SLC26A1: variants seen among roughly 807,000 people sequenced by gnomAD.
SLC26A1 encodes sulfate anion transporter 1.
Under a neutral mutation model 14.5 loss-of-function variants are expected in SLC26A1, and 18 were observed. That is an observed-to-expected ratio of 1.24 (90% CI 0.86 to 1.84). SLC26A1 has a LOEUF of 1.84. Ranked by LOEUF, SLC26A1 falls within the 40% of genes most tolerant of loss-of-function variation. The pLI is 0.00. For missense variants in SLC26A1, 1,049 were observed against 1,020.0 expected (o/e 1.03, Z -0.39); for synonymous variants, 505 against 492.0 (o/e 1.03, Z -0.35).
intron 2 of SLC26A1, 48 bp downstream of exon 2, chr4:991,080 A>G: frequency 6.7e-7 from 1 of 1,500,074 alleles, no homozygotes; most frequent in Non-Finnish European, 8.9e-7. Flanking sequence ...CCAAAACCTA[A>G]GGGGGGGTGC....
At position 991,168 on chromosome 4, in the gene SLC26A1, C is replaced by G. The variant is rs148387257; in HGVS notation, c.536G>C (p.Arg179Pro). Residue 179 changes from arginine (R) to proline (P), a missense_variant, in exon 2 of 3, where the codon CGT becomes CCT. Arg to Pro is a moderately radical substitution (Grantham distance 103). Transcript: ENST00000398516. Reference sequence around the variant, plus strand: ...CATCAGCGTGAGGGCGGTGGCGACACGGATGGCGTAGCAGTCACGCCCGCA... The same window carrying G: ...CATCAGCGTGAGGGCGGTGGCGACAGGGATGGCGTAGCAGTCACGCCCGCA... The part of the protein sequence containing the change: ...LDCGRDCYAI[R>P]VATALTLMTG... 3 of 1,566,284 alleles carry G rather than the reference C, an allele frequency of 1.9e-6. No homozygotes were observed. Among genetic ancestry groups the G allele is most frequent in the South Asian group, 2.4e-5 (2 of 83,748 alleles).
chr4:983,505 C>T (rs537041636), downstream of SLC26A1, among the ~76,000 whole-genome samples: 18 of 152,232 alleles, frequency 1.2e-4, no homozygotes, highest in Non-Finnish European at 2.6e-4. Context: ...AGAGAGGCCT[C>T]CAGGAACCGA....
At chr4:992,326 C>CA (rs1427247306) in intron 1 of SLC26A1, 1 of 405,824 alleles carries the variant, frequency 2.5e-6, no homozygotes, top group African/African-American at 2.0e-5. Context: ...CACCTCCACC[C>CA]ACCCCTCTGT....
At chr4:984,588 TG>T (rs2153014440), downstream of SLC26A1, among the ~76,000 whole-genome samples, 1 of 152,198 alleles carries the variant, frequency 6.6e-6, no homozygotes, top group African/African-American at 2.4e-5. Flanking sequence ...CCCAGCACTT[TG>T]GGAGGCCGAG....
At chr4:987,079 G>A, downstream of SLC26A1, 1 of 1,491,704 alleles carries the variant, frequency 6.7e-7, no homozygotes, top group South Asian at 1.3e-5. Context: ...CCGAGCACGC[G>A]TGGCCATGCG....
rs1714513064 is a variant in SLC26A1 at position 993,300 on chromosome 4, C to G, written c.-28+1G>C. 6.6e-6 allele frequency: 1 copy of G among 152,290 alleles called. No homozygotes were observed. Among genetic ancestry groups the G allele is most frequent in the South Asian group, 2.1e-4 (1 of 4,836 alleles). The allele number at this position is 152,290 out of a possible 1,614,324, so 9.4% of individuals were successfully genotyped here. ...AGATCTGGGCCCAGGATGGTTCTTA[C>G]CTGAGGGAGTCCTCACAGGCGCGGA... is the stretch of plus-strand genomic sequence containing the variant. On this transcript the variant is annotated splice_donor_variant, in intron 1 of 2. Coordinates refer to ENST00000398516, the MANE Select transcript of SLC26A1 (RefSeq NM_022042.4). LOFTEE classifies it low-confidence loss of function (5UTR_SPLICE).
intron 2 of SLC26A1, 25 bp downstream of exon 2, chr4:991,103 C>CCT (rs1340094517): frequency 2.0e-6 from 3 of 1,519,516 alleles, no homozygotes; most frequent in Admixed American, 4.2e-5. Context: ...TGGGCCCCTC[C>CCT]CTGTGCCCAA....
rs193048848 is a variant in SLC26A1 at position 980,556 on chromosome 4, A to G, written c.577-1052T>C. On this transcript the variant is annotated intron_variant, in intron 2 of 2. Transcript: ENST00000398520. ...AGCCAGGATCGCGCCACTGCACTCC[A>G]GCCTGGGCAACAAGAGCGAAACTCC... Among the ~76,000 whole-genome samples, 687 of 150,762 alleles carry G rather than the reference A, an allele frequency of 4.6e-3. 8 individuals are homozygous for G. Among genetic ancestry groups the G allele is most frequent in the African/African-American group, 0.015 (597 of 40,898 alleles).
chr4:987,667 TA>T lies in SLC26A1; in HGVS notation c.*1165del. 1 of 1,484,278 alleles carries T rather than the reference TA, an allele frequency of 6.7e-7. No homozygotes were observed. Among genetic ancestry groups the T allele is most frequent in the Non-Finnish European group, 9.0e-7 (1 of 1,114,434 alleles). The allele number at this position is 1,484,278 out of a possible 1,614,324, so 91.9% of individuals were successfully genotyped here. On this transcript the variant is annotated 3_prime_UTR_variant, in exon 3 of 3. Coordinates refer to ENST00000398516, the MANE Select transcript of SLC26A1 (RefSeq NM_022042.4). ...TGGGACCTCCCCACATTCCTGGCCC[TA>T]AGGGTCATTTTATTAGTCACTGAAC...
chr4:982,607 C>A (rs1016042640), intron 2 of SLC26A1, among the ~76,000 whole-genome samples: 4 of 152,212 alleles, frequency 2.6e-5, no homozygotes, highest in Admixed American at 2.6e-4. Flanking sequence ...CTCCGCCGAC[C>A]AGTGGCTTCT....
chr4:991,416 C>T lies in SLC26A1; in HGVS notation c.288G>A (p.Leu96=), dbSNP rs755783502. Residue 96 remains leucine (L), a synonymous_variant, in exon 2 of 3, where the codon CTG becomes CTA. Transcript: ENST00000398516. ...ACGTATAGAGGCTGTAGATGGGCTG[C>T]AGCCCGGCCAGCAATGAGTAGGCGA... is the stretch of plus-strand genomic sequence containing the variant. ...QAIAYSLLAG[L]QPIYSLYTSF... is the part of the protein sequence containing the mutation. 3.9e-5 allele frequency: 63 copies of T among 1,612,702 alleles called. 1 individual carries two copies. The South Asian group carries it at 6.6e-4, about 17-fold the overall frequency.
rs371025483 is a variant in SLC26A1 at position 989,575 on chromosome 4, C to T, written c.1364G>A (p.Arg455His). ...VIVVSLRGAL[R>H]KVWDLPRLWR... ...CAGCCGCGGGAGGTCCCACACCTTGCGCAGGGCCCCCCGCAGGCTGACCAC... is the reference window on the plus strand; with the variant it reads ...CAGCCGCGGGAGGTCCCACACCTTGTGCAGGGCCCCCCGCAGGCTGACCAC... The change falls in exon 3 of 3, where the codon CGC becomes CAC. Residue 455 changes from arginine (R) to histidine (H), a missense_variant. Coordinates refer to ENST00000398516, the MANE Select transcript of SLC26A1 (RefSeq NM_022042.4). 21 of 1,594,002 alleles carry T rather than the reference C, an allele frequency of 1.3e-5. No individual in the cohort carries two copies. Among genetic ancestry groups the T allele is most frequent in the Middle Eastern group, 1.7e-4 (1 of 5,958 alleles).
chr4:982,946 G>C (rs1713590375), downstream of SLC26A1, among the ~76,000 whole-genome samples: 1 of 152,240 alleles, frequency 6.6e-6, no homozygotes, highest in Non-Finnish European at 1.5e-5. Context: ...CGGATAACTA[G>C]AATCATCTCT....
chr4:979,451 C>T, exon 3 of SLC26A1: 2 of 1,612,568 alleles, frequency 1.2e-6, no homozygotes, highest in African/African-American at 2.7e-5. Flanking sequence ...GCGAGTCACT[C>T]CTCTGTGTTA....
chr4:988,175 A>G lies in SLC26A1; in HGVS notation c.*658T>C, dbSNP rs981803062. 47 of 1,384,898 alleles carry G rather than the reference A, an allele frequency of 3.4e-5. No individual in the cohort carries two copies. Among genetic ancestry groups the G allele is most frequent in the Non-Finnish European group, 4.3e-5 (46 of 1,070,004 alleles). 85.8% of individuals were successfully genotyped at this position (1,384,898 alleles called of 1,614,324 possible). A position where few individuals can be genotyped will look rare whatever the true frequency, so the allele number is the denominator to read the frequency against. ...TTCCTGCAGGTCTCCCTGCAGGCTC[A>G]GGGTTGGCTGCGCCGCACCTGGCTC... is the stretch of plus-strand genomic sequence containing the variant. On this transcript the variant is annotated 3_prime_UTR_variant, in exon 3 of 3. Coordinates refer to ENST00000398516, the MANE Select transcript of SLC26A1 (RefSeq NM_022042.4).
chr4:979,635 C>T (rs1243201549), intron 2 of SLC26A1: 25 of 1,188,154 alleles, frequency 2.1e-5, no homozygotes, highest in Middle Eastern at 2.7e-4. Flanking sequence ...AGAGAGGAAG[C>T]GGAGGCGGGG....
chr4:985,198 C>T (rs1170783883), downstream of SLC26A1, among the ~76,000 whole-genome samples: 1 of 152,254 alleles, frequency 6.6e-6, no homozygotes, highest in Non-Finnish European at 1.5e-5. Flanking sequence ...GCCTGAGCCT[C>T]GACTTCTGTC....
In SLC26A1 at chr4:987,783, C is replaced by T; in HGVS notation, c.*1050G>A. On this transcript the variant is annotated 3_prime_UTR_variant, in exon 3 of 3. Transcript: ENST00000398516. ...CTGCCAGCCATGCTGAGGCTCGGGACTGAGCCGCCCCTTTGTTGTCCCCAG... is the reference window on the plus strand; with the variant it reads ...CTGCCAGCCATGCTGAGGCTCGGGATTGAGCCGCCCCTTTGTTGTCCCCAG... The T allele has an allele frequency of 1.9e-6, 3 of 1,611,542 alleles. No homozygotes were observed. Among genetic ancestry groups the T allele is most frequent in the Non-Finnish European group, 2.5e-6 (3 of 1,179,652 alleles).
intron 2 of SLC26A1, among the ~76,000 whole-genome samples, chr4:982,357 G>C (rs758445463): frequency 6.6e-6 from 1 of 152,210 alleles, no homozygotes; most frequent in East Asian, 1.9e-4. Flanking sequence ...CCCTGTCCTC[G>C]GTGGCTTGCC....
Sources: gnomAD v4.1 joint callset for allele counts (sites outside exome capture counted in the v4.1 genomes callset) on GRCh38, gnomAD v4.1.1 for gene constraint, MANE v1.5 for transcripts, NCBI Gene and HGNC (gene_info 2026-07-23, HGNC 2026-07-21) for gene names.